The following MGAT4C variants were observed in gnomAD, a reference collection of about 807,000 sequenced individuals.
MGAT4C encodes the protein alpha-1,3-mannosyl-glycoprotein 4-beta-N-acetylglucosaminyltransferase C.
In MGAT4C, 19 loss-of-function variants were observed where a neutral mutation model predicts 40.1. The observed-to-expected ratio is 0.47, with a 90% CI of 0.33 to 0.70. The LOEUF is 0.70. MGAT4C is among the 30% of genes least tolerant of loss of function. The pLI is 0.02. For synonymous variants in MGAT4C, 181 were observed against 187.1 expected, an observed-to-expected ratio of 0.97 and a Z score of 0.27; for missense variants, 491 against 563.2, an observed-to-expected ratio of 0.87 and a Z score of 1.30.
chr12:86,489,272 T>C (rs1337761410), intron 2 of MGAT4C, among the ~76,000 whole-genome samples: 2 of 152,156 alleles, frequency 1.3e-5, no homozygotes, highest in East Asian at 3.9e-4. Context: ...TCGTGTCCCC[T>C]TTCCAGCTCC....
In MGAT4C at chr12:86,204,922, T is replaced by C. The variant is rs1283049267; in HGVS notation, c.-57+51317A>G. 4.6e-5 allele frequency among the ~76,000 whole-genome samples: 7 copies of C among 152,082 alleles called. 1 individual carries two copies. The highest frequency in any genetic ancestry group is 4.6e-4 in the Admixed American group (7 of 15,270). On this transcript the variant is annotated intron_variant, in intron 1 of 4. Coordinates refer to ENST00000611864, the MANE Select transcript of MGAT4C (RefSeq NM_001351288.2). ...CAATGATAATTCAGAGCACAGACTT[T>C]TTAAAAATAGTTGTTACATTTGTAA...
At chr12:86,680,742 C>A (rs760128477) in intron 2 of MGAT4C, among the ~76,000 whole-genome samples, 1 of 151,908 alleles carries the variant, frequency 6.6e-6, no homozygotes, top group Non-Finnish European at 1.5e-5. Flanking sequence ...AAATCCATAA[C>A]CATGCACTTG....
At chr12:86,523,557 T>A (rs1565824569) in intron 2 of MGAT4C, among the ~76,000 whole-genome samples, 1 of 152,134 alleles carries the variant, frequency 6.6e-6, no homozygotes, top group Non-Finnish European at 1.5e-5. Context: ...GAAGAATGCA[T>A]ATTCTGTTTT....
At chr12:86,260,996 G>A (rs138950329), upstream of MGAT4C, among the ~76,000 whole-genome samples, 49 of 151,766 alleles carry the variant, frequency 3.2e-4, no homozygotes, top group Non-Finnish European at 6.0e-4. Context: ...TCAAATGAAG[G>A]TTTTGTTCAT....
At chr12:86,670,366 C>G (rs1483626256) in intron 2 of MGAT4C, among the ~76,000 whole-genome samples, 1 of 151,928 alleles carries the variant, frequency 6.6e-6, no homozygotes, top group Non-Finnish European at 1.5e-5. Context: ...AGAAATCAAT[C>G]AGAACTTCTG....
At chr12:86,282,245 C>T (rs1953236030) in intron 4 of MGAT4C, among the ~76,000 whole-genome samples, 1 of 152,082 alleles carries the variant, frequency 6.6e-6, no homozygotes, top group Admixed American at 6.6e-5. Context: ...GTCCCTGTGG[C>T]ACGCTTATTT....
chr12:86,616,596 ATCT>A (rs1051405960), intron 2 of MGAT4C, among the ~76,000 whole-genome samples: 3 of 152,082 alleles, frequency 2.0e-5, no homozygotes, highest in African/African-American at 4.8e-5. Context: ...AACAATATAA[ATCT>A]TCTTCAAAAA....
chr12:86,218,079 T>A lies in MGAT4C; in HGVS notation c.-57+38160A>T, dbSNP rs373672586. Among the ~76,000 whole-genome samples, 188 of 152,212 alleles carry A rather than the reference T, an allele frequency of 1.2e-3. 1 individual carries two copies. The highest frequency in any genetic ancestry group is 4.3e-3 in the African/African-American group (177 of 41,564). ...TTTTTTGGAGCATTAGTCGGCTTTT[T>A]ACAGGAAATTGTAAAAGGTTTTCTT... On this transcript the variant is annotated intron_variant, in intron 1 of 4. Coordinates refer to ENST00000611864, the MANE Select transcript of MGAT4C (RefSeq NM_001351288.2).
At chr12:86,345,479 T>A (rs192280677) in intron 3 of MGAT4C, among the ~76,000 whole-genome samples, 7 of 151,352 alleles carry the variant, frequency 4.6e-5, no homozygotes, top group Admixed American at 2.0e-4. Flanking sequence ...CCTGTGTCCA[T>A]GTGTTCTCTT....
chr12:86,722,756 G>T (rs753790485), intron 2 of MGAT4C, among the ~76,000 whole-genome samples: 1 of 152,080 alleles, frequency 6.6e-6, no homozygotes. Context: ...AAAAACAAAA[G>T]CAGTTACCTA....
intron 1 of MGAT4C, among the ~76,000 whole-genome samples, chr12:86,148,188 G>A (rs1019807846): frequency 1.3e-5 from 2 of 152,146 alleles, no homozygotes; most frequent in Non-Finnish European, 1.5e-5. Context: ...TAAAATTTGT[G>A]CTCCTTAGAG....
chr12:86,130,395 T>A (rs977455114), intron 1 of MGAT4C, among the ~76,000 whole-genome samples: 1 of 152,118 alleles, frequency 6.6e-6, no homozygotes. Flanking sequence ...TTTAGAAGGA[T>A]AAGCAACATA....
chr12:86,225,175 A>G (rs1030627920), intron 1 of MGAT4C, among the ~76,000 whole-genome samples: 15 of 152,094 alleles, frequency 9.9e-5, no homozygotes, highest in African/African-American at 3.4e-4. Flanking sequence ...GTTATATGCT[A>G]ACAAACTGGA....
chr12:86,392,916 A>G (rs559867116), intron 3 of MGAT4C, among the ~76,000 whole-genome samples: 1 of 152,322 alleles, frequency 6.6e-6, no homozygotes, highest in African/African-American at 2.4e-5. Flanking sequence ...TGATACATAA[A>G]TTATTGAAAT....
intron 2 of MGAT4C, among the ~76,000 whole-genome samples, chr12:86,659,537 G>A (rs1399606912): frequency 2.0e-5 from 3 of 151,988 alleles, no homozygotes; most frequent in Non-Finnish European, 4.4e-5. Context: ...TTAATATATA[G>A]AAACATTAAA....
intron 1 of MGAT4C, among the ~76,000 whole-genome samples, chr12:86,142,195 G>A (rs1482556612): frequency 1.3e-5 from 2 of 152,152 alleles, no homozygotes; most frequent in African/African-American, 4.8e-5. Context: ...TTTATGCCCA[G>A]AATTTAGGTG....
At chr12:86,212,916 AAAAAAG>A (rs1950537535) in intron 1 of MGAT4C, among the ~76,000 whole-genome samples, 1 of 147,888 alleles carries the variant, frequency 6.8e-6, no homozygotes, top group African/African-American at 2.5e-5. Flanking sequence ...AAAAAAAAAA[AAAAAAG>A]AACACTCATT....
chr12:86,720,910 T>C (rs1261629432), intron 2 of MGAT4C, among the ~76,000 whole-genome samples: 3 of 152,148 alleles, frequency 2.0e-5, no homozygotes, highest in African/African-American at 7.2e-5. Context: ...AACCATAATA[T>C]TTAAGGAAGA....
intron 2 of MGAT4C, among the ~76,000 whole-genome samples, chr12:86,669,515 TCC>T (rs535146136): frequency 2.2e-3 from 330 of 152,262 alleles, no homozygotes; most frequent in African/African-American, 6.9e-3. Context: ...TTTTAGGCTG[TCC>T]CCCATCCCCA....
Sources: allele counts gnomAD v4.1 joint callset (sites outside exome capture counted in the v4.1 genomes callset), GRCh38; gene constraint gnomAD v4.1.1; transcripts MANE v1.5; gene names NCBI Gene and HGNC (gene_info 2026-07-23, HGNC 2026-07-21).